The following ECPAS variants were observed in gnomAD, a reference collection of about 807,000 sequenced individuals.
The protein encoded by ECPAS is proteasome adapter and scaffold protein ECM29.
A neutral mutation model predicts 255.1 loss-of-function variants in ECPAS; 70 were observed. The ratio of observed to expected loss-of-function variants is 0.27; its 90% CI spans 0.23 to 0.33. The LOEUF (loss-of-function observed/expected upper bound fraction) is 0.33, where lower values mean the gene tolerates loss of function less well. ECPAS is among the 10% of genes least tolerant of loss of function. The pLI, the probability that ECPAS is intolerant of heterozygous loss-of-function variation, is 1.00. For missense variants in ECPAS, 1,817 were observed against 2,206.4 expected (o/e 0.82, Z 3.54); for synonymous variants, 784 against 775.0 (o/e 1.01, Z -0.19).
chr9:111,466,655 A>G (rs1444941244), intron 2 of ECPAS, among the ~76,000 whole-genome samples: 1 of 146,770 alleles, frequency 6.8e-6, no homozygotes, highest in African/African-American at 2.5e-5. Flanking sequence ...ACACACACAC[A>G]CGTTTTTATT....
At position 111,448,532 on chromosome 9, in the gene ECPAS, G is replaced by A. The variant is rs545404439; in HGVS notation, c.153+2893C>T. Among the ~76,000 whole-genome samples, 5 of 152,276 alleles carry A rather than the reference G, an allele frequency of 3.3e-5. No homozygotes were observed. The South Asian group carries it at 6.2e-4, about 19-fold the overall frequency. On this transcript the variant is annotated intron_variant, in intron 3 of 49. Transcript: ENST00000684092. ...AACTGAAAGAAAAATCAGAAAAACT[G>A]TAACAGCAGTAGGACATTATACTTT... is the stretch of plus-strand genomic sequence containing the variant.
chr9:111,442,324 G>A lies in ECPAS; in HGVS notation c.371C>T (p.Pro124Leu). 1 of 1,610,664 alleles carries A rather than the reference G, an allele frequency of 6.2e-7. No individual in the cohort carries two copies. Among genetic ancestry groups the A allele is most frequent in the South Asian group, 1.1e-5 (1 of 90,334 alleles). ...ATCATACCTATCCTGCTGTGGCTGAGGCTTCCCTTCCATGGCAGTAAGAAG... is the reference window on the plus strand; with the variant it reads ...ATCATACCTATCCTGCTGTGGCTGAAGCTTCCCTTCCATGGCAGTAAGAAG... ...PTLLTAMEGK[P>L]QPQQDSLMHL... Residue 124 changes from proline (P) to leucine (L), a missense_variant, in exon 5 of 50, where the codon CCT (proline) becomes CTT (leucine). By Grantham distance (98) the Pro-to-Leu change is moderately conservative (BLOSUM62 -3). Around this residue, in one of 4 missense-constraint regions of ECPAS, gnomAD observed 90 missense variants for 158.5 expected, o/e 0.57. Transcript: ENST00000684092.
At chr9:111,396,794 C>T (rs548732915) in intron 25 of ECPAS, among the ~76,000 whole-genome samples, 2 of 152,088 alleles carry the variant, frequency 1.3e-5, no homozygotes, top group African/African-American at 2.4e-5. Context: ...TCAGGTGATT[C>T]GCTCACCTCG....
At chr9:111,401,351 G>A (rs1370594915) in intron 24 of ECPAS, among the ~76,000 whole-genome samples, 2 of 152,156 alleles carry the variant, frequency 1.3e-5, no homozygotes, top group African/African-American at 2.4e-5. Context: ...ACCTTGAGCC[G>A]CAAAACCAGC....
intron 1 of ECPAS, among the ~76,000 whole-genome samples, chr9:111,479,144 AC>A (rs1298838368): frequency 5.9e-5 from 9 of 152,172 alleles, no homozygotes; most frequent in Admixed American, 5.9e-4. Context: ...AATGTTACCT[AC>A]CTTTCAGGGT....
rs548042899 is a variant in ECPAS at position 111,457,394 on chromosome 9, T to C, written c.23-5839A>G. Among the ~76,000 whole-genome samples, 51 of 151,958 alleles carry C rather than the reference T, an allele frequency of 3.4e-4. No individual in the cohort carries two copies. The South Asian group carries it at 9.8e-3, about 29-fold the overall frequency. On this transcript the variant is annotated intron_variant, in intron 2 of 49. Coordinates refer to ENST00000684092, the MANE Select transcript of ECPAS (RefSeq NM_001364929.1). ...AGAAAGAAACTGAAGAGGGAAAAAA[T>C]TATTAGACTGTGACCCTGAGAATAT...
At chr9:111,434,585 C>CTTTTT (rs34507397) in intron 7 of ECPAS, among the ~76,000 whole-genome samples, 4 of 109,270 alleles carry the variant, frequency 3.7e-5, no homozygotes, top group Non-Finnish European at 5.6e-5. Flanking sequence ...TTCCAGTTAA[C>CTTTTT]TTTTTTTTTT....
At chr9:111,393,839 C>A in intron 26 of ECPAS, 105 bp from the exon 27 acceptor site, 7 of 842,086 alleles carry the variant, frequency 8.3e-6, no homozygotes, top group Non-Finnish European at 1.1e-5. Flanking sequence ...TTATCCAAGC[C>A]AGTTACAATC....
intron 20 of ECPAS, among the ~76,000 whole-genome samples, chr9:111,413,676 T>A (rs993763561): frequency 2.0e-5 from 3 of 152,152 alleles, no homozygotes; most frequent in Admixed American, 1.3e-4. Context: ...AACTTTTTTT[T>A]ACTCCTATGC....
At chr9:111,460,565 G>A (rs1171916775) in intron 2 of ECPAS, among the ~76,000 whole-genome samples, 1 of 151,704 alleles carries the variant, frequency 6.6e-6, no homozygotes, top group Admixed American at 6.6e-5. Flanking sequence ...GATAATGATT[G>A]GTACACAAAA....
At position 111,411,089 on chromosome 9, in the gene ECPAS, C is replaced by T. The variant is rs1190840001; in HGVS notation, c.2268G>A (p.Arg756=). ...TTCTCATTTTCTTTTTAGCCAAATA[C>T]CTTCCCACCGTGAATCCCAATGCAA... The part of the protein sequence containing the change: ...SLLALGFTVG[R]YLAKKKMRMS... Residue 756 remains arginine, a synonymous_variant, in exon 22 of 50, where the codon AGG becomes AGA. Coordinates refer to ENST00000684092, the MANE Select transcript of ECPAS (RefSeq NM_001364929.1). 1 of 1,613,778 alleles carries T rather than the reference C, an allele frequency of 6.2e-7. No homozygotes were observed. The highest frequency in any genetic ancestry group is 1.3e-5 in the African/African-American group (1 of 74,958).
At chr9:111,441,935 T>C (rs2098246521) in intron 5 of ECPAS, among the ~76,000 whole-genome samples, 2 of 152,162 alleles carry the variant, frequency 1.3e-5, no homozygotes, top group Non-Finnish European at 1.5e-5. Flanking sequence ...TACAAACGAG[T>C]GCTCTGTTCC....
intron 19 of ECPAS, 108 bp from the exon 20 acceptor site, chr9:111,414,094 C>T (rs566574919): frequency 2.1e-5 from 13 of 632,746 alleles, no homozygotes; most frequent in African/African-American, 1.9e-4. Context: ...CACATTCTTT[C>T]GGTTCTATTA....
At position 111,473,483 on chromosome 9, in the gene ECPAS, T is replaced by C. The variant is rs2098292029; in HGVS notation, c.-82-483A>G. 1.3e-5 allele frequency among the ~76,000 whole-genome samples: 2 copies of C among 152,146 alleles called. 1 individual carries two copies. Among genetic ancestry groups the C allele is most frequent in the African/African-American group, 4.8e-5 (2 of 41,416 alleles). On this transcript the variant is annotated intron_variant, in intron 1 of 49. Transcript: ENST00000684092. ...CCTCTCTTAGCACTCTTCATCTCCT[T>C]TCTCTGATTATCTTCCTCTCGCTCT...
intron 46 of ECPAS, among the ~76,000 whole-genome samples, chr9:111,367,247 T>C (rs2098121485): frequency 6.6e-6 from 1 of 152,020 alleles, no homozygotes; most frequent in African/African-American, 2.4e-5. Flanking sequence ...AATGTAAAAA[T>C]GGGGGGAGGC....
chr9:111,379,132 C>T (rs1389419373), intron 35 of ECPAS, among the ~76,000 whole-genome samples: 1 of 152,210 alleles, frequency 6.6e-6, no homozygotes, highest in Non-Finnish European at 1.5e-5. Flanking sequence ...CATACAGCCG[C>T]TATTCCCCCC....
At chr9:111,447,918 A>G (rs1031032996) in intron 3 of ECPAS, among the ~76,000 whole-genome samples, 2 of 152,160 alleles carry the variant, frequency 1.3e-5, no homozygotes, top group Admixed American at 6.5e-5. Flanking sequence ...CAGTGTTGAC[A>G]GTTTGATAAC....
chr9:111,369,547 C>G (rs1000578636), intron 45 of ECPAS, among the ~76,000 whole-genome samples: 1 of 152,220 alleles, frequency 6.6e-6, no homozygotes, highest in Non-Finnish European at 1.5e-5. Context: ...ACTGGTCCAG[C>G]TTGCTAGTGA....
intron 9 of ECPAS, among the ~76,000 whole-genome samples, chr9:111,429,556 A>AC (rs1416285796): frequency 6.6e-6 from 1 of 152,102 alleles, no homozygotes; most frequent in Non-Finnish European, 1.5e-5. Flanking sequence ...GATCAGCCAA[A>AC]CCTTTCCTCC....
Sources: allele counts gnomAD v4.1 joint callset (sites outside exome capture counted in the v4.1 genomes callset), GRCh38; gene constraint gnomAD v4.1.1; regional missense constraint gnomAD v4.1.1; transcripts MANE v1.5; gene names NCBI Gene and HGNC (gene_info 2026-07-23, HGNC 2026-07-21).